Variants in JPH2 observed in about 807,000 individuals in gnomAD.
JPH2 encodes the protein junctophilin-2.
A neutral mutation model predicts 55.9 loss-of-function variants in JPH2; 38 were observed. That is an observed-to-expected ratio of 0.68 (90% CI 0.52 to 0.89). The LOEUF (loss-of-function observed/expected upper bound fraction) is 0.89. Ranked by LOEUF, JPH2 falls within the 40% of genes least tolerant of loss-of-function variation. The pLI, the probability that JPH2 is intolerant of heterozygous loss-of-function variation, is 0.00. For missense variants in JPH2, 964 were observed against 1,037.6 expected (o/e 0.93, Z 0.97); for synonymous variants, 480 against 472.4 (o/e 1.02, Z -0.21).
rs2072114446 is a variant in JPH2, at chr20:44,107,324, G to A, written c.*6194C>T. Among the ~76,000 whole-genome samples the A allele has an allele frequency of 6.6e-6, 1 of 151,974 alleles. No homozygotes were observed. Among genetic ancestry groups the A allele is most frequent in the Non-Finnish European group, 1.5e-5 (1 of 67,992 alleles). ...TGGGACAATGGGGATGGTACTACAG[G>A]CTGTACTGTCTTGTCTGTTTACCAA... On this transcript the variant is annotated 3_prime_UTR_variant, in exon 6 of 6. Transcript: ENST00000372980.
chr20:44,121,614 A>AG (rs2072237039), intron 2 of JPH2, among the ~76,000 whole-genome samples: 2 of 90,462 alleles, frequency 2.2e-5, no homozygotes, highest in Admixed American at 1.2e-4. Context: ...AATTAACTTA[A>AG]CCCCCCAATA....
intron 1 of JPH2, among the ~76,000 whole-genome samples, chr20:44,180,064 A>G (rs2072767188): frequency 6.6e-6 from 1 of 152,184 alleles, no homozygotes; most frequent in African/African-American, 2.4e-5. Flanking sequence ...TACTAAAACA[A>G]AAAGTTAGCT....
chr20:44,154,879 C>T (rs1447688484), intron 2 of JPH2, among the ~76,000 whole-genome samples: 1 of 152,306 alleles, frequency 6.6e-6, no homozygotes, highest in East Asian at 1.9e-4. Context: ...TCCATGGGCA[C>T]GCAGGACTCC....
rs953353202 is a variant in JPH2 at position 44,115,939 on chromosome 20, G to C, written c.1736C>G (p.Pro579Arg). The C allele has an allele frequency of 1.3e-6, 2 of 1,568,946 alleles. No individual in the cohort carries two copies. Among genetic ancestry groups the C allele is most frequent in the Non-Finnish European group, 1.7e-6 (2 of 1,164,292 alleles). The change falls in exon 4 of 6, where the codon CCA becomes CGA. Residue 579 changes from proline to arginine, a missense_variant. By Grantham distance (103) the Pro-to-Arg change is moderately radical. Coordinates refer to ENST00000372980, the MANE Select transcript of JPH2 (RefSeq NM_020433.5). ...YAVRTTPPEP[P>R]PFEDQPEPEV... is the part of the protein sequence containing the mutation. ...GGGCTCGGGCTGGTCCTCAAAGGGT[G>C]GGGGCTCGGGCGGCGTGGTGCGCAC...
At chr20:44,114,955 C>G in intron 4 of JPH2, 79 bp from the exon 5 acceptor site, 1 of 1,126,780 alleles carries the variant, frequency 8.9e-7, no homozygotes, top group South Asian at 1.3e-5. Context: ...CAAGGCTGGA[C>G]AGAGCAGGAA....
chr20:44,128,097 A>C (rs370022073), intron 2 of JPH2, among the ~76,000 whole-genome samples: 1 of 152,160 alleles, frequency 6.6e-6, no homozygotes, highest in Non-Finnish European at 1.5e-5. Flanking sequence ...TTGAAGTACA[A>C]AAGTTATTTT....
chr20:44,153,265 C>T (rs571923004), intron 2 of JPH2, among the ~76,000 whole-genome samples: 123 of 152,316 alleles, frequency 8.1e-4, no homozygotes, highest in African/African-American at 2.9e-3. Context: ...TGAGCTACTT[C>T]TTTTACTCTC....
chr20:44,108,334 G>T lies in JPH2; in HGVS notation c.*5184C>A, dbSNP rs2072120574. Among the ~76,000 whole-genome samples, 1 of 152,118 alleles carries T rather than the reference G, an allele frequency of 6.6e-6. No individual in the cohort carries two copies. The highest frequency in any genetic ancestry group is 2.4e-5 in the African/African-American group (1 of 41,418). On this transcript the variant is annotated 3_prime_UTR_variant, in exon 6 of 6. Transcript: ENST00000372980. ...GCTTGTAATCAATGTGACTTGAGTA[G>T]AATAGCTTTCAGTGAGTTCTGTGAG...
At chr20:44,177,233 G>T (rs2072741696) in intron 1 of JPH2, 2 of 985,586 alleles carry the variant, frequency 2.0e-6, no homozygotes, top group Non-Finnish European at 1.2e-6. Flanking sequence ...GAAGTCTATG[G>T]CAGGAAGCAA....
intron 2 of JPH2, among the ~76,000 whole-genome samples, chr20:44,120,309 G>A (rs1026684593): frequency 7.2e-5 from 11 of 152,132 alleles, no homozygotes; most frequent in African/African-American, 2.4e-4. Flanking sequence ...ACAGTTGCAC[G>A]TGACAGGAGC....
intron 2 of JPH2, among the ~76,000 whole-genome samples, chr20:44,134,139 AATAAATATTTATTATAAATAT>A (rs1444120911): frequency 0.36 from 3,607 of 10,154 alleles, 1,195 homozygotes; most frequent in Non-Finnish European, 0.44. Context: ...TAAATATATA[AATAAATATTTATTATAAATAT>A]ATAAATATTT....
At chr20:44,118,381 C>T in intron 3 of JPH2, 124 bp downstream of exon 3, 1 of 807,738 alleles carries the variant, frequency 1.2e-6, no homozygotes, top group South Asian at 1.3e-5. Flanking sequence ...TGCACCATGC[C>T]CCAGTTTCTG....
chr20:44,185,613 C>T (rs116172272), intron 1 of JPH2, among the ~76,000 whole-genome samples: 3,401 of 148,288 alleles, frequency 0.023, 158 homozygotes, highest in African/African-American at 0.081. Context: ...CCAGCCTGGG[C>T]AACAGAACGA....
At chr20:44,132,136 C>T (rs2072323155) in intron 2 of JPH2, among the ~76,000 whole-genome samples, 1 of 152,038 alleles carries the variant, frequency 6.6e-6, no homozygotes, top group South Asian at 2.1e-4. Context: ...TGTAGCCAAT[C>T]CTAGGAATAA....
In JPH2 at chr20:44,108,300, G is replaced by A. The variant is rs762308347; in HGVS notation, c.*5218C>T. Among the ~76,000 whole-genome samples, 4 of 152,042 alleles carry A rather than the reference G, an allele frequency of 2.6e-5. No individual in the cohort carries two copies. Among genetic ancestry groups the A allele is most frequent in the Admixed American group, 6.5e-5 (1 of 15,272 alleles). On this transcript the variant is annotated 3_prime_UTR_variant, in exon 6 of 6. Transcript: ENST00000372980. ...CCTTTCCCTTGGCTGGTTCTGATTCGCATTCTTTGCTTGTAATCAATGTGA... is the reference window on the plus strand; with the variant it reads ...CCTTTCCCTTGGCTGGTTCTGATTCACATTCTTTGCTTGTAATCAATGTGA...
At chr20:44,173,913 A>AAAAC (rs923450652) in intron 1 of JPH2, among the ~76,000 whole-genome samples, 90 of 152,290 alleles carry the variant, frequency 5.9e-4, no homozygotes, top group African/African-American at 1.8e-3. Context: ...ACTCCGACTC[A>AAAAC]AAACAAACAA....
At chr20:44,142,339 G>T (rs1456491616) in intron 2 of JPH2, among the ~76,000 whole-genome samples, 1 of 152,162 alleles carries the variant, frequency 6.6e-6, no homozygotes, top group African/African-American at 2.4e-5. Context: ...AATGGCCACA[G>T]GTTGCTAGTG....
Position 44,160,505 on chromosome 20 carries a change from G to T in JPH2, c.380-98C>A. 2.3e-6 allele frequency: 3 copies of T among 1,309,638 alleles called. No individual in the cohort carries two copies. The highest frequency in any genetic ancestry group is 1.2e-5 in the South Asian group (1 of 80,010). The allele number at this position is 1,309,638 out of a possible 1,614,324, so 81.1% of individuals were successfully genotyped here. On this transcript the variant is annotated intron_variant, in intron 1 of 5. Coordinates refer to ENST00000372980, the MANE Select transcript of JPH2 (RefSeq NM_020433.5). This position sits in a 1 kb window ranked among gnomAD's most constrained non-coding sequence, Gnocchi z 4.9. ...CAAGGGCGGGAGTGGGCAAGGCGGGGTGGGACCGAGAGGCGCAAGGCCGTC... is the reference window on the plus strand; with the variant it reads ...CAAGGGCGGGAGTGGGCAAGGCGGGTTGGGACCGAGAGGCGCAAGGCCGTC...
At chr20:44,137,246 G>GCCCCA (rs2145860241) in intron 2 of JPH2, among the ~76,000 whole-genome samples, 1 of 97,824 alleles carries the variant, frequency 1.0e-5, no homozygotes, top group South Asian at 3.6e-4. Context: ...CCCCCGCCCC[G>GCCCCA]CCCCACCCCA....
Sources: allele counts gnomAD v4.1 joint callset (sites outside exome capture counted in the v4.1 genomes callset), GRCh38; gene constraint gnomAD v4.1.1; non-coding constraint Gnocchi (gnomAD v3.1); transcripts MANE v1.5; gene names NCBI Gene and HGNC (gene_info 2026-07-23, HGNC 2026-07-21).